ASIC2: variants seen among roughly 807,000 people sequenced by gnomAD.
ASIC2 encodes the protein acid sensing ion channel subunit 2.
In ASIC2, 25 loss-of-function variants were observed where a neutral mutation model predicts 57.3. The ratio of observed to expected loss-of-function variants is 0.44; its 90% CI spans 0.32 to 0.61. The LOEUF is 0.61. Ranked by LOEUF, ASIC2 falls within the 20% of genes least tolerant of loss-of-function variation. ASIC2 has a pLI of 0.06. For synonymous variants in ASIC2, 319 were observed against 307.5 expected, an observed-to-expected ratio of 1.04 and a Z score of -0.39; for missense variants, 641 against 738.1, an observed-to-expected ratio of 0.87 and a Z score of 1.52.
At chr17:33,526,953 A>C (rs1013323718) in intron 1 of ASIC2, among the ~76,000 whole-genome samples, 1 of 152,220 alleles carries the variant, frequency 6.6e-6, no homozygotes, top group Non-Finnish European at 1.5e-5. Flanking sequence ...CTGAACTTGC[A>C]CATAATTGAG....
intron 1 of ASIC2, among the ~76,000 whole-genome samples, chr17:33,114,719 T>C (rs1429081819): frequency 6.6e-6 from 1 of 152,216 alleles, no homozygotes; most frequent in Non-Finnish European, 1.5e-5. Flanking sequence ...GGTGTAAGAA[T>C]TGAAAAGGGT....
intron 1 of ASIC2, among the ~76,000 whole-genome samples, chr17:34,135,733 T>C (rs1245819037): frequency 6.6e-6 from 1 of 152,142 alleles, no homozygotes; most frequent in African/African-American, 2.4e-5. Flanking sequence ...TCCACAAATA[T>C]ATGATTAAAA....
At chr17:33,032,816 A>T (rs1218052600) in intron 3 of ASIC2, among the ~76,000 whole-genome samples, 1 of 152,178 alleles carries the variant, frequency 6.6e-6, no homozygotes, top group South Asian at 2.1e-4. Context: ...GTTACGTTTT[A>T]TATTTATCCA....
chr17:33,920,623 G>A (rs981297725), intron 1 of ASIC2, among the ~76,000 whole-genome samples: 1 of 152,186 alleles, frequency 6.6e-6, no homozygotes, highest in African/African-American at 2.4e-5. Flanking sequence ...CACTACCTGG[G>A]TGATGAGATC....
At chr17:33,740,877 T>G (rs1352970224) in intron 1 of ASIC2, among the ~76,000 whole-genome samples, 1 of 152,216 alleles carries the variant, frequency 6.6e-6, no homozygotes, top group East Asian at 1.9e-4. Flanking sequence ...TGCTAGAGTC[T>G]CTAAAAATAT....
chr17:33,787,984 T>A (rs1026876434), intron 1 of ASIC2, among the ~76,000 whole-genome samples: 1 of 152,182 alleles, frequency 6.6e-6, no homozygotes, highest in Non-Finnish European at 1.5e-5. Flanking sequence ...GCAATACTAT[T>A]CAGGACATAG....
At chr17:33,957,824 A>T (rs1479895296) in intron 1 of ASIC2, among the ~76,000 whole-genome samples, 1 of 152,206 alleles carries the variant, frequency 6.6e-6, no homozygotes, top group East Asian at 1.9e-4. Context: ...AACTTATTTC[A>T]GCATTAACTC....
intron 1 of ASIC2, among the ~76,000 whole-genome samples, chr17:33,888,235 C>T (rs1323536245): frequency 6.6e-6 from 1 of 152,014 alleles, no homozygotes; most frequent in Non-Finnish European, 1.5e-5. Context: ...TTGGGGAGGT[C>T]AGGGAAGGCT....
intron 1 of ASIC2, among the ~76,000 whole-genome samples, chr17:34,131,116 C>A (rs1462704969): frequency 6.6e-6 from 1 of 152,084 alleles, no homozygotes; most frequent in Non-Finnish European, 1.5e-5. Context: ...GAAAGAAAGC[C>A]TTCGGGAAAG....
At chr17:33,047,002 C>T (rs750957608) in intron 3 of ASIC2, among the ~76,000 whole-genome samples, 6 of 152,212 alleles carry the variant, frequency 3.9e-5, no homozygotes, top group South Asian at 2.1e-4. Context: ...CTCGTGATGC[C>T]GCATGATTAA....
chr17:33,245,477 C>A (rs1177488582), intron 1 of ASIC2, among the ~76,000 whole-genome samples: 2 of 152,182 alleles, frequency 1.3e-5, no homozygotes, highest in Admixed American at 1.3e-4. Flanking sequence ...GAGGGCTGAG[C>A]ACACAAAGTC....
intron 1 of ASIC2, among the ~76,000 whole-genome samples, chr17:33,182,228 G>C (rs1280504945): frequency 6.6e-6 from 1 of 152,124 alleles, no homozygotes; most frequent in Non-Finnish European, 1.5e-5. Context: ...CAGCCAATAG[G>C]ATTTGCTGAC....
At chr17:33,084,181 C>T (rs570158557) in intron 3 of ASIC2, among the ~76,000 whole-genome samples, 1 of 152,132 alleles carries the variant, frequency 6.6e-6, no homozygotes, top group Non-Finnish European at 1.5e-5. Flanking sequence ...GTGGTGAATG[C>T]TAGAGGTCAT....
intron 1 of ASIC2, chr17:33,688,889 G>C (rs1908278516): frequency 6.6e-6 from 1 of 152,182 alleles, no homozygotes; most frequent in Admixed American, 6.5e-5. Flanking sequence ...CACAGTAGTT[G>C]GAAGGACAAT....
chr17:33,985,786 T>C (rs1164887890), intron 1 of ASIC2, among the ~76,000 whole-genome samples: 1 of 152,230 alleles, frequency 6.6e-6, no homozygotes, highest in Non-Finnish European at 1.5e-5. Flanking sequence ...GCTGGTAATG[T>C]AGAAGTCTTT....
At chr17:33,646,887 G>A (rs1185812701) in intron 1 of ASIC2, among the ~76,000 whole-genome samples, 2 of 152,058 alleles carry the variant, frequency 1.3e-5, no homozygotes, top group Non-Finnish European at 2.9e-5. Flanking sequence ...CACAGTGCTG[G>A]GGGAGCTGAC....
At position 33,072,457 on chromosome 17, in the gene ASIC2, T is replaced by G. The variant is rs1213827793; in HGVS notation, c.987+16406A>C. The stretch of plus-strand genomic sequence containing the variant: ...AATAACAGGCTAATTTTAATACCAA[T>G]AACAATAACACTAAATGCCATTCCA... On this transcript the variant is annotated intron_variant, in intron 3 of 9. Coordinates refer to ENST00000225823, the MANE Select transcript of ASIC2 (RefSeq NM_183377.2). Among the ~76,000 whole-genome samples, 6 of 152,168 alleles carry G rather than the reference T, an allele frequency of 3.9e-5. No individual in the cohort carries two copies. The East Asian group carries it at 9.6e-4, about 24-fold the overall frequency.
chr17:34,101,452 C>A (rs550855872), intron 1 of ASIC2, among the ~76,000 whole-genome samples: 2 of 152,212 alleles, frequency 1.3e-5, no homozygotes, highest in Non-Finnish European at 2.9e-5. Context: ...AACAAACACA[C>A]GGCTCAACTC....
chr17:33,872,114 A>G (rs937082892), intron 1 of ASIC2, among the ~76,000 whole-genome samples: 5 of 152,178 alleles, frequency 3.3e-5, no homozygotes, highest in Non-Finnish European at 5.9e-5. Flanking sequence ...CCAGGAGGGC[A>G]TTAGGACTTC....
Sources: allele counts gnomAD v4.1 joint callset (sites outside exome capture counted in the v4.1 genomes callset), GRCh38; gene constraint gnomAD v4.1.1; transcripts MANE v1.5; gene names NCBI Gene and HGNC (gene_info 2026-07-23, HGNC 2026-07-21).